Variants in SEMA3E observed in about 807,000 individuals in gnomAD.
SEMA3E encodes the protein semaphorin 3E.
Under a neutral mutation model 93.6 loss-of-function variants are expected in SEMA3E, and 49 were observed. The observed-to-expected ratio is 0.52, with a 90% CI of 0.42 to 0.66. The LOEUF is 0.66. SEMA3E is among the 30% of genes least tolerant of loss of function. The probability of loss-of-function intolerance (pLI) is 0.00; values close to 1 mark genes in which losing one functional copy is unlikely to be tolerated. For synonymous variants in SEMA3E, 363 were observed against 330.7 expected, an observed-to-expected ratio of 1.10 and a Z score of -1.06; for missense variants, 906 against 964.8, an observed-to-expected ratio of 0.94 and a Z score of 0.81.
intron 1 of SEMA3E, among the ~76,000 whole-genome samples, chr7:83,536,019 T>C (rs1218554759): frequency 6.6e-6 from 1 of 152,208 alleles, no homozygotes; most frequent in African/African-American, 2.4e-5. Flanking sequence ...TGCCTCTATA[T>C]ACACCAATGA....
chr7:83,406,212 C>G (rs1167315076), intron 7 of SEMA3E, among the ~76,000 whole-genome samples, 153 bp from the exon 8 acceptor site: 1 of 152,040 alleles, frequency 6.6e-6, no homozygotes, highest in East Asian at 1.9e-4. Context: ...ATAGGTGCAA[C>G]TCCCCATAAT....
chr7:83,469,524 A>G (rs988252681), intron 2 of SEMA3E, among the ~76,000 whole-genome samples: 6 of 151,306 alleles, frequency 4.0e-5, no homozygotes, highest in Non-Finnish European at 8.8e-5. Flanking sequence ...TTTTTCTTGA[A>G]TATTTTTGAA....
chr7:83,479,328 A>C (rs1245745409), intron 2 of SEMA3E, among the ~76,000 whole-genome samples: 3 of 152,162 alleles, frequency 2.0e-5, no homozygotes, highest in African/African-American at 7.2e-5. Context: ...TTTTATTTGA[A>C]CCTTTATTGT....
chr7:83,573,686 G>A (rs1792334705), intron 1 of SEMA3E, among the ~76,000 whole-genome samples: 1 of 151,922 alleles, frequency 6.6e-6, no homozygotes, highest in Non-Finnish European at 1.5e-5. Context: ...TATTGTGTAA[G>A]TTTCCTTGCC....
intron 1 of SEMA3E, among the ~76,000 whole-genome samples, chr7:83,584,450 G>A (rs1414952838): frequency 2.0e-5 from 3 of 152,000 alleles, no homozygotes; most frequent in Non-Finnish European, 4.4e-5. Context: ...AGTAGGACTC[G>A]AACACTAATT....
At chr7:83,623,964 A>C (rs1367962668) in intron 1 of SEMA3E, among the ~76,000 whole-genome samples, 3 of 150,822 alleles carry the variant, frequency 2.0e-5, no homozygotes, top group Non-Finnish European at 4.4e-5. Flanking sequence ...TATGAGTGAG[A>C]ATATACAATG....
In SEMA3E at chr7:83,367,752, T is replaced by C; in HGVS notation, c.2162A>G (p.Asn721Ser). Residue 721 changes from asparagine to serine, a missense_variant, in exon 17 of 17, where the codon AAC becomes AGC. Asn to Ser is a conservative substitution (Grantham distance 46). Coordinates refer to ENST00000643230, the MANE Select transcript of SEMA3E (RefSeq NM_012431.3). ...KEFLQLIGYS[N>S]FQRVEEYCEK... is the part of the protein sequence containing the mutation. ...GCAGTATTCTTCCACTCTCTGGAAGTTGCTATAACCGATCAGCTGCAAGAA... is the reference window on the plus strand; with the variant it reads ...GCAGTATTCTTCCACTCTCTGGAAGCTGCTATAACCGATCAGCTGCAAGAA... 6.2e-7 allele frequency: 1 copy of C among 1,614,098 alleles called. No homozygotes were observed.
intron 1 of SEMA3E, among the ~76,000 whole-genome samples, chr7:83,519,037 T>C (rs533987753): frequency 0.01 from 1,541 of 152,090 alleles, 18 homozygotes; most frequent in Non-Finnish European, 0.015. Context: ...TAGTTACATA[T>C]GTATACATGT....
intron 10 of SEMA3E, among the ~76,000 whole-genome samples, chr7:83,401,018 A>T (rs977526965): frequency 6.6e-6 from 1 of 152,116 alleles, no homozygotes; most frequent in African/African-American, 2.4e-5. Context: ...ACCTATTCAG[A>T]TGTTATCACT....
At chr7:83,521,614 G>A (rs1791050346) in intron 1 of SEMA3E, among the ~76,000 whole-genome samples, 1 of 152,128 alleles carries the variant, frequency 6.6e-6, no homozygotes, top group South Asian at 2.1e-4. Flanking sequence ...TGCAGTTGTG[G>A]AGCCTGGGAA....
chr7:83,423,715 G>A (rs1364007439), intron 4 of SEMA3E, among the ~76,000 whole-genome samples: 1 of 149,424 alleles, frequency 6.7e-6, no homozygotes, highest in Non-Finnish European at 1.5e-5. Context: ...GTTTCACCAT[G>A]TTAGCCAGGA....
intron 4 of SEMA3E, among the ~76,000 whole-genome samples, chr7:83,464,201 T>C (rs1789701327): frequency 6.6e-6 from 1 of 151,888 alleles, no homozygotes. Flanking sequence ...AAAACACACC[T>C]CACCAAGTTC....
chr7:83,489,424 T>TA (rs1296834923), intron 2 of SEMA3E, among the ~76,000 whole-genome samples: 2 of 134,238 alleles, frequency 1.5e-5, no homozygotes, highest in Non-Finnish European at 3.1e-5. Flanking sequence ...CTTTAGAAAA[T>TA]ATGGACATGG....
chr7:83,616,647 CT>C, intron 1 of SEMA3E: 1 of 436,454 alleles, frequency 2.3e-6, no homozygotes, highest in Admixed American at 2.6e-5. Flanking sequence ...TCCTCCATGT[CT>C]TTTCTTCATT....
In SEMA3E at chr7:83,580,679, C is replaced by A. The variant is rs544589862; in HGVS notation, c.115+67749G>T. Among the ~76,000 whole-genome samples the A allele has an allele frequency of 2.0e-4, 30 of 152,100 alleles. 1 individual carries two copies. The South Asian group carries it at 5.8e-3, about 29-fold the overall frequency. On this transcript the variant is annotated intron_variant, in intron 1 of 16. Transcript: ENST00000643230. ...CTTGACTTTTCCACGTGATAAATTT[C>A]TTTTCCATGCTTCCTTAATCCTCTA...
chr7:83,461,748 G>A (rs1789622742), intron 4 of SEMA3E, among the ~76,000 whole-genome samples: 1 of 151,946 alleles, frequency 6.6e-6, no homozygotes, highest in African/African-American at 2.4e-5. Context: ...ATTAAATTCC[G>A]GCCCTCAAAC....
At chr7:83,481,242 G>T (rs940223091) in intron 2 of SEMA3E, among the ~76,000 whole-genome samples, 2 of 151,956 alleles carry the variant, frequency 1.3e-5, no homozygotes, top group Non-Finnish European at 2.9e-5. Context: ...ATCCATACAA[G>T]ATCCTGATAT....
chr7:83,426,958 A>T (rs1461176565), intron 4 of SEMA3E, among the ~76,000 whole-genome samples: 1 of 152,068 alleles, frequency 6.6e-6, no homozygotes, highest in Non-Finnish European at 1.5e-5. Context: ...TTTATGATGG[A>T]CTCTTGCTAG....
chr7:83,616,566 G>A, intron 1 of SEMA3E: 1 of 307,818 alleles, frequency 3.2e-6, no homozygotes, highest in South Asian at 2.6e-5. Flanking sequence ...TTTCAAAAGT[G>A]CAACTTTCCC....
Sources: gnomAD v4.1 joint callset for allele counts (sites outside exome capture counted in the v4.1 genomes callset) on GRCh38, gnomAD v4.1.1 for gene constraint, MANE v1.5 for transcripts, NCBI Gene and HGNC (gene_info 2026-07-23, HGNC 2026-07-21) for gene names.